The following CACNB4 variants were observed in gnomAD, a reference collection of about 807,000 sequenced individuals.
CACNB4 encodes the protein calcium voltage-gated channel auxiliary subunit beta 4, also known as voltage-dependent L-type calcium channel subunit beta-4.
A neutral mutation model predicts 71.2 loss-of-function variants in CACNB4; 32 were observed. The observed-to-expected ratio is 0.45, with a 90% CI of 0.34 to 0.60. The LOEUF is 0.60. Among genes scored for constraint, CACNB4 ranks in the 20% least tolerant of loss-of-function variants. The pLI, the probability that CACNB4 is intolerant of heterozygous loss-of-function variation, is 0.01. For missense variants in CACNB4, 464 were observed against 647.9 expected (o/e 0.72, Z 3.08); for synonymous variants, 231 against 236.9 (o/e 0.97, Z 0.23).
At chr2:151,856,812 A>T (rs1207729311) in intron 10 of CACNB4, 1 of 152,198 alleles carries the variant, frequency 6.6e-6, no homozygotes, top group Admixed American at 6.5e-5. Flanking sequence ...TTCTGGGCTC[A>T]AGTGATCCTC....
chr2:151,999,902 C>G (rs766795271), intron 2 of CACNB4, among the ~76,000 whole-genome samples: 5 of 152,202 alleles, frequency 3.3e-5, no homozygotes, highest in Admixed American at 6.5e-5. Flanking sequence ...AGTAATAACA[C>G]TTCCCACCTA....
intron 2 of CACNB4, among the ~76,000 whole-genome samples, chr2:151,889,146 G>A (rs376523725): frequency 2.4e-4 from 36 of 152,260 alleles, no homozygotes; most frequent in African/African-American, 8.4e-4. Context: ...ATAAACGAAC[G>A]CTAATCTTGG....
intron 2 of CACNB4, among the ~76,000 whole-genome samples, chr2:152,018,886 A>G (rs1168429620): frequency 1.3e-5 from 2 of 152,076 alleles, no homozygotes; most frequent in East Asian, 3.9e-4. Flanking sequence ...TAAATAATTG[A>G]TACTACAAAA....
intron 2 of CACNB4, among the ~76,000 whole-genome samples, chr2:151,917,550 T>C (rs1279978568): frequency 6.6e-6 from 1 of 152,120 alleles, no homozygotes; most frequent in East Asian, 1.9e-4. Flanking sequence ...ATACACAAGA[T>C]TTCTGGCCAG....
intron 2 of CACNB4, among the ~76,000 whole-genome samples, chr2:151,913,746 A>G (rs2151545149): frequency 7.0e-6 from 1 of 142,754 alleles, no homozygotes; most frequent in South Asian, 2.4e-4. Flanking sequence ...AGCCTGGGCG[A>G]CAGAGCGAGA....
intron 2 of CACNB4, among the ~76,000 whole-genome samples, chr2:151,993,159 T>G (rs1039660791): frequency 6.8e-4 from 104 of 152,080 alleles, no homozygotes; most frequent in Non-Finnish European, 1.3e-3. Context: ...TTGTTTTTTT[T>G]TTTTTTAAAC....
intron 2 of CACNB4, among the ~76,000 whole-genome samples, chr2:152,061,641 C>CA (rs57640851): frequency 0.34 from 45,245 of 132,360 alleles, 7,745 homozygotes; most frequent in East Asian, 0.78. Context: ...CTTCTCAAAG[C>CA]AAAAAAAAAA....
At chr2:151,971,430 T>C (rs1352577499) in intron 2 of CACNB4, 3 of 696,300 alleles carry the variant, frequency 4.3e-6, no homozygotes, top group Admixed American at 4.0e-5. Flanking sequence ...ACTCAGCTTT[T>C]AGTGCCTATA....
rs138251195 is a variant in CACNB4, at chr2:152,051,365, A to T, written c.147+46965T>A. 7.5e-3 allele frequency among the ~76,000 whole-genome samples: 1,140 copies of T among 152,228 alleles called. 10 individuals are homozygous for T. The highest frequency in any genetic ancestry group is 0.026 in the African/African-American group (1,062 of 41,510). ...GAGTTGTGCTGCAACTATCACCACA[A>T]CCAGTTTTAGATTATTTTAATTACC... On this transcript the variant is annotated intron_variant, in intron 2 of 13. Coordinates refer to ENST00000539935, the MANE Select transcript of CACNB4 (RefSeq NM_000726.5).
rs142579980 is a variant in CACNB4 at position 151,922,498 on chromosome 2, C to T, written c.148-39128G>A. Reference sequence around the variant, plus strand: ...GATTAAAAGCGTGAACTATGATACCCAGTTAATAAGCAACTTTAACTCCCA... The same window carrying T: ...GATTAAAAGCGTGAACTATGATACCTAGTTAATAAGCAACTTTAACTCCCA... On this transcript the variant is annotated intron_variant, in intron 2 of 13. Transcript: ENST00000539935. Among the ~76,000 whole-genome samples, 601 of 152,300 alleles carry T rather than the reference C, an allele frequency of 3.9e-3. 4 individuals carry two copies. Among genetic ancestry groups the T allele is most frequent in the African/African-American group, 0.013 (551 of 41,556 alleles).
Position 151,876,484 on chromosome 2 carries a change from G to A in CACNB4, c.463C>T (p.Leu155Phe). The change falls in exon 5 of 14, where the codon CTC becomes TTC. Residue 155 changes from leucine to phenylalanine, a missense_variant. This residue lies in a region of CACNB4 where 299 missense variants were observed against 471.7 expected (regional missense o/e 0.63). Transcript: ENST00000539935. Reference protein sequence around the residue: ...GCEIGFIPSPLRLENIRIQQE... With the variant: ...GCEIGFIPSPFRLENIRIQQE... ...TGGATCCGTATGTTCTCCAATCTGA[G>A]TGGACTTGGAATGAAGCCAATTTCA... 1.2e-6 allele frequency: 2 copies of A among 1,605,800 alleles called. No homozygotes were observed. The highest frequency in any genetic ancestry group is 1.7e-6 in the Non-Finnish European group (2 of 1,174,372).
chr2:151,844,655 A>T (rs2099837073), intron 12 of CACNB4, among the ~76,000 whole-genome samples: 1 of 152,222 alleles, frequency 6.6e-6, no homozygotes, highest in African/African-American at 2.4e-5. Context: ...TGATGCTTTG[A>T]CATAAATAGA....
chr2:151,999,456 T>C (rs768112600), intron 2 of CACNB4, among the ~76,000 whole-genome samples: 1 of 152,032 alleles, frequency 6.6e-6, no homozygotes, highest in South Asian at 2.1e-4. Flanking sequence ...AATACTTATG[T>C]CATTCCAGCA....
At chr2:151,924,710 G>T (rs2099859817) in intron 2 of CACNB4, among the ~76,000 whole-genome samples, 1 of 152,130 alleles carries the variant, frequency 6.6e-6, no homozygotes, top group South Asian at 2.1e-4. Flanking sequence ...ACCTTAGAAA[G>T]TTTTAGGAAG....
chr2:151,939,987 T>C (rs2099863837), intron 2 of CACNB4, among the ~76,000 whole-genome samples: 1 of 152,214 alleles, frequency 6.6e-6, no homozygotes, highest in Non-Finnish European at 1.5e-5. Flanking sequence ...ATCTGCCTAA[T>C]TTCTAAATTT....
intron 6 of CACNB4, chr2:151,871,627 G>C (rs1259917778): frequency 6.6e-6 from 1 of 152,350 alleles, no homozygotes; most frequent in East Asian, 1.9e-4. Flanking sequence ...GGCTTCACAT[G>C]AACAAGGACC....
chr2:151,903,341 G>A (rs1189935397), intron 2 of CACNB4, among the ~76,000 whole-genome samples: 2 of 151,696 alleles, frequency 1.3e-5, no homozygotes, highest in African/African-American at 4.8e-5. Flanking sequence ...CAGCAAAACC[G>A]CATCTCTACT....
chr2:152,036,679 G>A (rs1684613615), intron 2 of CACNB4, among the ~76,000 whole-genome samples: 2 of 152,120 alleles, frequency 1.3e-5, no homozygotes, highest in African/African-American at 2.4e-5. Flanking sequence ...ATTTCAGTGA[G>A]GATGTCGACC....
intron 2 of CACNB4, among the ~76,000 whole-genome samples, chr2:152,006,576 C>T (rs543159883): frequency 6.6e-6 from 1 of 151,708 alleles, no homozygotes; most frequent in South Asian, 2.1e-4. Context: ...AATTTTTGTA[C>T]TTTTTAGTAG....
Sources: allele counts gnomAD v4.1 joint callset (sites outside exome capture counted in the v4.1 genomes callset), GRCh38; gene constraint gnomAD v4.1.1; regional missense constraint gnomAD v4.1.1; transcripts MANE v1.5; gene names NCBI Gene and HGNC (gene_info 2026-07-23, HGNC 2026-07-21).